ZC3HC1: variants seen among roughly 807,000 people sequenced by gnomAD.
ZC3HC1 encodes the protein zinc finger C3HC-type protein 1.
In ZC3HC1, 38 loss-of-function variants were observed where a neutral mutation model predicts 61.9. The ratio of observed to expected loss-of-function variants is 0.61; its 90% CI spans 0.47 to 0.81. The LOEUF (loss-of-function observed/expected upper bound fraction) is 0.81. ZC3HC1 is among the 30% of genes least tolerant of loss of function. The pLI, the probability that ZC3HC1 is intolerant of heterozygous loss-of-function variation, is 0.00. For missense variants in ZC3HC1, 554 were observed against 622.7 expected (o/e 0.89, Z 1.17); for synonymous variants, 213 against 229.9 (o/e 0.93, Z 0.67).
At chr7:130,027,708 G>A (rs903687200) in intron 5 of ZC3HC1, among the ~76,000 whole-genome samples, 6 of 151,846 alleles carry the variant, frequency 4.0e-5, no homozygotes, top group South Asian at 2.1e-4. Context: ...TAATAGAGAC[G>A]GGGTTTCACC....
intron 1 of ZC3HC1, 49 bp from the exon 2 acceptor site, chr7:130,049,193 G>T: frequency 1.5e-6 from 2 of 1,371,148 alleles, no homozygotes; most frequent in Non-Finnish European, 2.0e-6. Context: ...AGTACCCTCT[G>T]CTTAAATGTT....
chr7:130,024,285 G>A lies in ZC3HC1; in HGVS notation c.998C>T (p.Thr333Ile), dbSNP rs1477941071. ...RRMMTRSQDA[T>I]FSPGSEQAEK... ...TACCTGCTCTGAGCCTGGGGAGAAA[G>A]TGGCATCCTGGCTCCGGGTCATCAT... The change falls in exon 7 of 10, where the codon ACT becomes ATT. Residue 333 changes from threonine (T) to isoleucine (I), a missense_variant. Coordinates refer to ENST00000358303, the MANE Select transcript of ZC3HC1 (RefSeq NM_016478.5). The A allele has an allele frequency of 5.0e-6, 8 of 1,611,354 alleles. No individual in the cohort carries two copies. In the Admixed American group the frequency reaches 1.2e-4, roughly 24 times the overall value.
At position 130,034,930 on chromosome 7, in the gene ZC3HC1, A is replaced by C. The variant is rs144168872; in HGVS notation, c.493+4534T>G. On this transcript the variant is annotated intron_variant, in intron 4 of 9. Transcript: ENST00000358303. ...TCAAAAAATCTCGTAGCTTCTCATC[A>C]CATACATTTAATAAAATCATGGTTT... is the stretch of plus-strand genomic sequence containing the variant. 2.6e-5 allele frequency among the ~76,000 whole-genome samples: 4 copies of C among 152,320 alleles called. No individual in the cohort carries two copies. The East Asian group carries it at 7.7e-4, about 29-fold the overall frequency.
In ZC3HC1 at chr7:130,051,317, T is replaced by A. The variant is rs776196644; in HGVS notation, c.50A>T (p.Asn17Ile). 1 of 1,613,400 alleles carries A rather than the reference T, an allele frequency of 6.2e-7. No individual in the cohort carries two copies. Among genetic ancestry groups the A allele is most frequent in the Non-Finnish European group, 8.5e-7 (1 of 1,179,640 alleles). ...TGGGGAGCGAACTACTGCACCCCAA[T>A]TCTTTTCAACCCCTACGGCAAACGC... ...GQAFAVGVEK[N>I]WGAVVRSPEG... Residue 17 changes from asparagine to isoleucine, a missense_variant, in exon 1 of 10, where the codon AAT becomes ATT. By Grantham distance (149) the Asn-to-Ile change is moderately radical. Coordinates refer to ENST00000358303, the MANE Select transcript of ZC3HC1 (RefSeq NM_016478.5).
intron 7 of ZC3HC1, 37 bp downstream of exon 7, chr7:130,024,226 T>A (rs1386654461): frequency 6.5e-7 from 1 of 1,546,504 alleles, no homozygotes; most frequent in Non-Finnish European, 8.7e-7. Flanking sequence ...CCAAGAATGT[T>A]GTTTAAAATT....
rs183097514 is a variant in ZC3HC1, at chr7:130,031,119, C to A, written c.494-2090G>T. Among the ~76,000 whole-genome samples, 1,140 of 151,512 alleles carry A rather than the reference C, an allele frequency of 7.5e-3. 9 individuals are homozygous for A. The highest frequency in any genetic ancestry group is 0.026 in the African/African-American group (1,072 of 41,374). On this transcript the variant is annotated intron_variant, in intron 4 of 9. Transcript: ENST00000358303. ...CCAAGGTGGGTGGATCACCTGAGGT[C>A]GGGAGTTTGAGACCAGCCTGACCAG...
Position 130,023,544 on chromosome 7 carries a change from G to C in ZC3HC1, c.1200C>G (p.Ala400=). The C allele has an allele frequency of 6.2e-7, 1 of 1,614,186 alleles. No homozygotes were observed. The highest frequency in any genetic ancestry group is 8.5e-7 in the Non-Finnish European group (1 of 1,180,042). ...LEVPSSPLRK[A]KRARLCSSSS... ...TGGAGGAGCAGAGGCGAGCTCGCTT[G>C]GCTTTCCGCAGAGGGCTAGATGGTA... The change falls in exon 8 of 10, where the codon GCC becomes GCG. Residue 400 remains alanine (A), a synonymous_variant. Coordinates refer to ENST00000358303, the MANE Select transcript of ZC3HC1 (RefSeq NM_016478.5). The surrounding 1 kb of genome is among the most constrained non-coding windows in gnomAD (Gnocchi z 4.2).
Position 130,023,782 on chromosome 7 carries a change from A to C in ZC3HC1, c.1021-59T>G, listed in dbSNP as rs1425042756. 3.6e-6 allele frequency: 5 copies of C among 1,373,450 alleles called. No homozygotes were observed. Among genetic ancestry groups the C allele is most frequent in the Non-Finnish European group, 4.0e-6 (4 of 994,990 alleles). 85.1% of individuals were successfully genotyped at this position (1,373,450 alleles called of 1,614,324 possible). A position where few individuals can be genotyped will look rare whatever the true frequency, so the allele number is the denominator to read the frequency against. On this transcript the variant is annotated intron_variant, in intron 7 of 9. Transcript: ENST00000358303. The surrounding 1 kb of genome is among the most constrained non-coding windows in gnomAD (Gnocchi z 4.2). ...ATGATATTAATGATTATGGTCAGAA[A>C]TACTTCTTTCTTTAATCTTTTTTCT...
Position 130,018,658 on chromosome 7 carries a change from G to T in ZC3HC1, c.*6C>A, listed in dbSNP as rs1386505662. 2 of 1,606,438 alleles carry T rather than the reference G, an allele frequency of 1.2e-6. No individual in the cohort carries two copies. Among genetic ancestry groups the T allele is most frequent in the Non-Finnish European group, 8.5e-7 (1 of 1,174,326 alleles). On this transcript the variant is annotated 3_prime_UTR_variant, in exon 10 of 10. Coordinates refer to ENST00000358303, the MANE Select transcript of ZC3HC1 (RefSeq NM_016478.5). ...CAGCTATCTCCAGGAAGGCGCTGGA[G>T]TATCTTCAGCATGAGCACAGAGATT... is the stretch of plus-strand genomic sequence containing the variant.
At chr7:130,030,417 C>CT (rs1794125693) in intron 4 of ZC3HC1, among the ~76,000 whole-genome samples, 1 of 152,066 alleles carries the variant, frequency 6.6e-6, no homozygotes, top group African/African-American at 2.4e-5. Flanking sequence ...CCAGGCTGAT[C>CT]TTTAACTCTT....
chr7:130,046,476 G>A (rs1488312717), intron 2 of ZC3HC1, among the ~76,000 whole-genome samples: 8 of 151,722 alleles, frequency 5.3e-5, no homozygotes, highest in South Asian at 2.1e-4. Context: ...GCATGGTGGC[G>A]GGCGCCTGTA....
At position 130,023,605 on chromosome 7, in the gene ZC3HC1, C is replaced by T. The variant is rs772835691; in HGVS notation, c.1139G>A (p.Arg380Gln). Residue 380 changes from arginine (R) to glutamine (Q), a missense_variant, in exon 8 of 10, where the codon CGA becomes CAA. Arg to Gln is a conservative substitution (Grantham distance 43, BLOSUM62 1). Transcript: ENST00000358303. The surrounding 1 kb of genome is among the most constrained non-coding windows in gnomAD (Gnocchi z 4.2). Reference protein sequence around the residue: ...SPTTRTRPVTRSMGTGDTPGL... With the variant: ...SPTTRTRPVTQSMGTGDTPGL... ...AGGGGTGTCTCCTGTTCCCATGCTT[C>T]GGGTCACTGGGCGAGTTCTGGTGGT... 4.3e-6 allele frequency: 7 copies of T among 1,614,096 alleles called. No individual in the cohort carries two copies. The highest frequency in any genetic ancestry group is 5.1e-6 in the Non-Finnish European group (6 of 1,180,028).
upstream of ZC3HC1, chr7:130,051,381 G>A (rs111357019): frequency 1.2e-6 from 2 of 1,612,212 alleles, no homozygotes; most frequent in African/African-American, 1.3e-5. Flanking sequence ...GTCCGCTGCC[G>A]AGTTGCTTCC....
intron 4 of ZC3HC1, among the ~76,000 whole-genome samples, chr7:130,034,062 G>A (rs546945269): frequency 2.3e-4 from 35 of 152,120 alleles, no homozygotes; most frequent in South Asian, 2.3e-3. Context: ...AAGTTTTAAC[G>A]TGCACATCCA....
chr7:130,043,605 T>G, intron 2 of ZC3HC1: 1 of 193,910 alleles, frequency 5.2e-6, no homozygotes, highest in Non-Finnish European at 1.1e-5. Context: ...CAAGAAATAA[T>G]GGTAGAAGGA....
chr7:130,024,541 T>C (rs1793803958), intron 6 of ZC3HC1, 35 bp from the exon 7 acceptor site: 2 of 1,576,392 alleles, frequency 1.3e-6, no homozygotes, highest in Admixed American at 1.8e-5. Flanking sequence ...TTTCTCAAAG[T>C]GTAACATTTC....
At chr7:130,051,099 C>T in intron 1 of ZC3HC1, 122 bp downstream of exon 1, 1 of 1,301,400 alleles carries the variant, frequency 7.7e-7, no homozygotes, top group Non-Finnish European at 1.0e-6. Context: ...CTTTCAGATT[C>T]TAAGAAGCCA....
intron 2 of ZC3HC1, among the ~76,000 whole-genome samples, chr7:130,041,628 A>C (rs1256976452): frequency 6.7e-6 from 1 of 149,590 alleles, no homozygotes; most frequent in Non-Finnish European, 1.5e-5. Flanking sequence ...TCCCGGGTTC[A>C]AGTGATTCTC....
chr7:130,033,941 A>C (rs1376655214), intron 4 of ZC3HC1, among the ~76,000 whole-genome samples: 2 of 152,202 alleles, frequency 1.3e-5, no homozygotes, highest in Non-Finnish European at 2.9e-5. Context: ...AATTGTGGGC[A>C]GAAGTGCTGC....
Sources: gnomAD v4.1 joint callset for allele counts (sites outside exome capture counted in the v4.1 genomes callset) on GRCh38, gnomAD v4.1.1 for gene constraint, Gnocchi (gnomAD v3.1) non-coding constraint, MANE v1.5 for transcripts, NCBI Gene and HGNC (gene_info 2026-07-23, HGNC 2026-07-21) for gene names.